Variants in WNT2B observed in about 807,000 individuals in gnomAD.
The protein encoded by WNT2B is Wnt family member 2B, also known as protein Wnt-2b.
Under a neutral mutation model 40.5 loss-of-function variants are expected in WNT2B, and 19 were observed. The observed-to-expected ratio is 0.47, with a 90% CI of 0.33 to 0.69. The LOEUF is 0.69. WNT2B is among the 30% of genes least tolerant of loss of function. WNT2B has a pLI of 0.02. For missense variants in WNT2B, 467 were observed against 556.4 expected, an observed-to-expected ratio of 0.84 and a Z score of 1.62; for synonymous variants, 220 against 211.9, an observed-to-expected ratio of 1.04 and a Z score of -0.33.
chr1:112,515,156 G>GA lies in WNT2B; in HGVS notation c.403+64dup. The GA allele has an allele frequency of 6.4e-7, 1 of 1,557,902 alleles. No homozygotes were observed. Among genetic ancestry groups the GA allele is most frequent in the Non-Finnish European group, 8.7e-7 (1 of 1,145,430 alleles). ...TTTCTGTGCTGGGGGTGGTGAGTGGGAAGAGTAGGCAAGATCTCCCCTCTC... is the reference window on the plus strand; with the variant it reads ...TTTCTGTGCTGGGGGTGGTGAGTGGGAAAGAGTAGGCAAGATCTCCCCTCTC... On this transcript the variant is annotated intron_variant, in intron 2 of 4. Transcript: ENST00000369684. This position sits in a 1 kb window ranked among gnomAD's most constrained non-coding sequence, Gnocchi z 4.4.
chr1:112,469,481 ATTTG>A (rs964989822), intron 1 of WNT2B, among the ~76,000 whole-genome samples: 7 of 152,202 alleles, frequency 4.6e-5, no homozygotes, highest in Admixed American at 4.6e-4. Flanking sequence ...ATGCCTTTCC[ATTTG>A]TTTGTGTCAT....
Position 112,509,310 on chromosome 1 carries a change from G to A in WNT2B, c.48G>A (p.Arg16=). The A allele has an allele frequency of 6.4e-7, 1 of 1,564,146 alleles. No individual in the cohort carries two copies. Among genetic ancestry groups the A allele is most frequent in the South Asian group, 1.1e-5 (1 of 87,138 alleles). Residue 16 remains arginine (R), a synonymous_variant, in exon 1 of 5, where the codon CGG becomes CGA. Coordinates refer to ENST00000369684, the MANE Select transcript of WNT2B (RefSeq NM_024494.3). The surrounding 1 kb of genome is among the most constrained non-coding windows in gnomAD (Gnocchi z 4.2). The part of the protein sequence containing the change: ...GAEEAAQLPL[R]RASAPVPVPS... Reference sequence around the variant, plus strand: ...AGGAAGCTGCGCAGCTCCCGCTTCGGCGCGCCAGCGCCCCGGTCCCTGTGC... The same window carrying A: ...AGGAAGCTGCGCAGCTCCCGCTTCGACGCGCCAGCGCCCCGGTCCCTGTGC...
In WNT2B at chr1:112,520,458, C is replaced by T. The variant is rs139266843; in HGVS notation, c.1125C>T (p.Asp375=). 9.9e-6 allele frequency: 16 copies of T among 1,614,054 alleles called. No homozygotes were observed. The African/African-American group carries it at 1.1e-4, about 11-fold the overall frequency. Residue 375 remains aspartate, a synonymous_variant, in exon 5 of 5, where the codon GAC becomes GAT. Coordinates refer to ENST00000369684, the MANE Select transcript of WNT2B (RefSeq NM_024494.3). Reference sequence around the variant, plus strand: ...GCAAGGAATGCAGAAATACTGTGGACGTCCATACTTGCAAAGCCCCCAAGA... The same window carrying T: ...GCAAGGAATGCAGAAATACTGTGGATGTCCATACTTGCAAAGCCCCCAAGA... ...VRCKECRNTV[D]VHTCKAPKKA...
At chr1:112,495,392 TG>T (rs1651729548) in intron 1 of WNT2B, among the ~76,000 whole-genome samples, 1 of 151,766 alleles carries the variant, frequency 6.6e-6, no homozygotes, top group African/African-American at 2.4e-5. Context: ...CTGGCTAACA[TG>T]GTGAAACCCC....
chr1:112,498,797 C>G (rs575601377), intron 1 of WNT2B, among the ~76,000 whole-genome samples: 2 of 152,290 alleles, frequency 1.3e-5, no homozygotes, highest in South Asian at 2.1e-4. Context: ...CTATATAGCT[C>G]TTCTTTTCTG....
At chr1:112,489,012 A>G (rs1219215869) in intron 1 of WNT2B, among the ~76,000 whole-genome samples, 1 of 152,180 alleles carries the variant, frequency 6.6e-6, no homozygotes, top group Non-Finnish European at 1.5e-5. Flanking sequence ...GCATCTGTGC[A>G]TCCTAAAACC....
intron 1 of WNT2B, among the ~76,000 whole-genome samples, chr1:112,468,039 A>C (rs1247839202): frequency 6.6e-6 from 1 of 152,184 alleles, no homozygotes; most frequent in African/African-American, 2.4e-5. Context: ...TAGCTCCCAC[A>C]TATGAGTAAG....
intron 3 of WNT2B, 89 bp from the exon 4 acceptor site, chr1:112,517,032 C>G: frequency 6.5e-7 from 1 of 1,531,492 alleles, no homozygotes. Context: ...TCCAGCCTAT[C>G]TCAGAGCACT....
chr1:112,490,881 C>A (rs1651580659), intron 1 of WNT2B: 1 of 885,304 alleles, frequency 1.1e-6, no homozygotes, highest in Admixed American at 2.3e-5. Context: ...AAATTTACCT[C>A]TTCCGGAAAG....
chr1:112,482,328 T>C (rs938279823), intron 1 of WNT2B, among the ~76,000 whole-genome samples: 4 of 151,880 alleles, frequency 2.6e-5, no homozygotes, highest in Non-Finnish European at 4.4e-5. Context: ...CAAAAAATAA[T>C]AATAATAATC....
intron 1 of WNT2B, among the ~76,000 whole-genome samples, chr1:112,494,543 T>C (rs1036363913): frequency 1.3e-5 from 2 of 151,354 alleles, no homozygotes; most frequent in Non-Finnish European, 2.9e-5. Flanking sequence ...AATTATTTTA[T>C]CTTATTTTTG....
At chr1:112,470,099 G>A (rs1217163502) in intron 1 of WNT2B, among the ~76,000 whole-genome samples, 1 of 152,090 alleles carries the variant, frequency 6.6e-6, no homozygotes, top group African/African-American at 2.4e-5. Flanking sequence ...GATAATTTTT[G>A]ATTGCTCAAT....
rs1653512825 is a variant in WNT2B, at chr1:112,526,851, A to T, written c.*6342A>T. The stretch of plus-strand genomic sequence containing the variant: ...AGCAAGATGAGGGAATAAGTGTCCT[A>T]AGAAACTCCCATCCCAAGCCAGACA... On this transcript the variant is annotated 3_prime_UTR_variant, in exon 5 of 5. Coordinates refer to ENST00000369684, the MANE Select transcript of WNT2B (RefSeq NM_024494.3). 6.6e-6 allele frequency: 1 copy of T among 152,208 alleles called. No individual in the cohort carries two copies. Among genetic ancestry groups the T allele is most frequent in the South Asian group, 2.1e-4 (1 of 4,832 alleles). 9.4% of individuals were successfully genotyped at this position (152,208 alleles called of 1,614,324 possible). A position where few individuals can be genotyped will look rare whatever the true frequency, so the allele number is the denominator to read the frequency against.
chr1:112,486,294 T>A (rs1651416149), intron 1 of WNT2B, among the ~76,000 whole-genome samples: 1 of 152,052 alleles, frequency 6.6e-6, no homozygotes, highest in African/African-American at 2.4e-5. Flanking sequence ...AAATTTTTAA[T>A]TAGTTGGGCA....
chr1:112,521,612 T>C lies in WNT2B; in HGVS notation c.*1103T>C, dbSNP rs933398379. 2 of 152,302 alleles carry C rather than the reference T, an allele frequency of 1.3e-5. No individual in the cohort carries two copies. Among genetic ancestry groups the C allele is most frequent in the Admixed American group, 6.5e-5 (1 of 15,276 alleles). The allele number at this position is 152,302 out of a possible 1,614,324, so 9.4% of individuals were successfully genotyped here. On this transcript the variant is annotated 3_prime_UTR_variant, in exon 5 of 5. Coordinates refer to ENST00000369684, the MANE Select transcript of WNT2B (RefSeq NM_024494.3). ...GTTGGGGCCAAAGTGATACACAGCT[T>C]AGAAGGCAGCCTTCCTCCACTTACT...
intron 1 of WNT2B, among the ~76,000 whole-genome samples, chr1:112,503,615 A>G (rs1289288653): frequency 6.6e-6 from 1 of 152,168 alleles, no homozygotes; most frequent in African/African-American, 2.4e-5. Context: ...GTGAAGAAAG[A>G]GCAAGACAAA....
chr1:112,504,244 C>T (rs1222555475), upstream of WNT2B, among the ~76,000 whole-genome samples: 1 of 152,024 alleles, frequency 6.6e-6, no homozygotes, highest in Admixed American at 6.6e-5. Flanking sequence ...GCTCCAGACA[C>T]CCCCATTCCC....
At chr1:112,516,817 C>A (rs1271022680) in intron 3 of WNT2B, among the ~76,000 whole-genome samples, 1 of 152,216 alleles carries the variant, frequency 6.6e-6, no homozygotes, top group African/African-American at 2.4e-5. Context: ...CACTCTAAAA[C>A]GTGAAAAGTA....
At chr1:112,487,933 CAAAAAA>C (rs59297238) in intron 1 of WNT2B, among the ~76,000 whole-genome samples, 5 of 68,196 alleles carry the variant, frequency 7.3e-5, no homozygotes, top group African/African-American at 1.3e-4. Flanking sequence ...GGCTCTGACT[CAAAAAA>C]AAAAAAAAAA....
Sources: gnomAD v4.1 joint callset for allele counts (sites outside exome capture counted in the v4.1 genomes callset) on GRCh38, gnomAD v4.1.1 for gene constraint, Gnocchi (gnomAD v3.1) non-coding constraint, MANE v1.5 for transcripts, NCBI Gene and HGNC (gene_info 2026-07-23, HGNC 2026-07-21) for gene names.